Variants in HUWE1 observed in about 807,000 individuals in gnomAD.
The protein encoded by HUWE1 is HECT, UBA and WWE domain containing E3 ubiquitin protein ligase 1, also known as E3 ubiquitin-protein ligase HUWE1.
Under a neutral mutation model 299.4 loss-of-function variants are expected in HUWE1, and 18 were observed. The observed-to-expected ratio is 0.06, with a 90% CI of 0.04 to 0.09. The LOEUF (loss-of-function observed/expected upper bound fraction) is 0.09, where lower values mean the gene tolerates loss of function less well. Among genes scored for constraint, HUWE1 ranks in the 10% least tolerant of loss-of-function variants. The pLI is 1.00. For missense variants in HUWE1, 1,832 were observed against 3,462.3 expected (o/e 0.53, Z 11.82); for synonymous variants, 1,317 against 1,286.1 (o/e 1.02, Z -0.51).
chrX:53,575,243 G>A (rs1556957393), intron 45 of HUWE1, 22 bp from the exon 46 acceptor site: 1 of 1,142,483 alleles, frequency 8.8e-7, no homozygotes, highest in South Asian at 1.9e-5. Context: ...GAAAACTCCT[G>A]AGCTATTATG....
At chrX:53,628,193 A>G (rs1441374633) in intron 15 of HUWE1, among the ~76,000 whole-genome samples, 3 of 111,086 alleles carry the variant, frequency 2.7e-5, no homozygotes, top group African/African-American at 6.6e-5. Flanking sequence ...ACCCTGACAT[A>G]TATTTTCCCT....
chrX:53,597,185 A>G (rs998083365), intron 29 of HUWE1, among the ~76,000 whole-genome samples: 1 of 111,492 alleles, frequency 9.0e-6, no homozygotes, highest in Non-Finnish European at 1.9e-5. Flanking sequence ...GATTTGGCTT[A>G]AAGAATGTCA....
chrX:53,667,359 T>C (rs2069298022), intron 3 of HUWE1, among the ~76,000 whole-genome samples: 1 of 112,184 alleles, frequency 8.9e-6, no homozygotes, highest in Non-Finnish European at 1.9e-5. Context: ...GTAAACCCAT[T>C]GTAAACTGGA....
chrX:53,554,500 G>C, intron 61 of HUWE1, 133 bp downstream of exon 61: 1 of 637,630 alleles, frequency 1.6e-6, no homozygotes, highest in Non-Finnish European at 2.5e-6. Context: ...AAGTGAATGC[G>C]CAAGACGAGA....
Position 53,559,053 on chromosome X carries a change from C to G in HUWE1, c.7923G>C (p.Leu2641=). The change falls in exon 58 of 84, where the codon CTG becomes CTC. Residue 2641 remains leucine (L), a synonymous_variant. Transcript: ENST00000262854. ...QSTATSQAGT[L]SSIPTALTRW... ...GGGTCAGGGCTGTGGGGATGCTGGACAGGGTTCCTGTAGGGACAGCAAAGG... is the reference window on the plus strand; with the variant it reads ...GGGTCAGGGCTGTGGGGATGCTGGAGAGGGTTCCTGTAGGGACAGCAAAGG... 8.6e-7 allele frequency: 1 copy of G among 1,164,234 alleles called. No individual in the cohort carries two copies. The highest frequency in any genetic ancestry group is 1.2e-6 in the Non-Finnish European group (1 of 868,943).
intron 29 of HUWE1, among the ~76,000 whole-genome samples, chrX:53,596,226 T>C (rs2064458394): frequency 8.9e-6 from 1 of 111,996 alleles, no homozygotes; most frequent in Non-Finnish European, 1.9e-5. Flanking sequence ...GGTTTTCAAC[T>C]ATAGATGCCT....
chrX:53,555,755 C>T lies in HUWE1; in HGVS notation c.8207-835G>A, dbSNP rs897939684. Reference sequence around the variant, plus strand: ...TTCCTGGGTTCAAGCAATTCTCCTGCCTCAGCCTCCTGAGTAGCTGGGACC... The same window carrying T: ...TTCCTGGGTTCAAGCAATTCTCCTGTCTCAGCCTCCTGAGTAGCTGGGACC... On this transcript the variant is annotated intron_variant, in intron 60 of 83. Transcript: ENST00000262854. Among the ~76,000 whole-genome samples the T allele has an allele frequency of 1.5e-4, 16 of 108,644 alleles. No individual in the cohort carries two copies. In the East Asian group the frequency reaches 4.6e-3, roughly 31 times the overall value. 94.3% of individuals were successfully genotyped at this position (108,644 alleles called of 115,157 possible).
intron 15 of HUWE1, 108 bp from the exon 16 acceptor site, chrX:53,627,987 G>T (rs887224291): frequency 3.0e-6 from 2 of 673,027 alleles, no homozygotes; most frequent in East Asian, 3.5e-5. Context: ...AGGCAGCACA[G>T]TATGGGGGAA....
chrX:53,645,590 A>G (rs1168209862), intron 6 of HUWE1, 127 bp from the exon 7 acceptor site: 12 of 688,286 alleles, frequency 1.7e-5, no homozygotes, highest in Admixed American at 1.1e-4. Flanking sequence ...CAAAAAATAT[A>G]TAAGTATTTG....
intron 39 of HUWE1, among the ~76,000 whole-genome samples, chrX:53,585,444 G>A (rs2063810563): frequency 8.9e-6 from 1 of 112,084 alleles, no homozygotes; most frequent in Non-Finnish European, 1.9e-5. Context: ...GTGCTGGGAG[G>A]TGGGGCCTAA....
intron 7 of HUWE1, among the ~76,000 whole-genome samples, chrX:53,635,031 C>T (rs1338886098): frequency 9.0e-6 from 1 of 110,818 alleles, no homozygotes; most frequent in Non-Finnish European, 1.9e-5. Flanking sequence ...ACATATATTA[C>T]ATAAAATATG....
intron 49 of HUWE1, among the ~76,000 whole-genome samples, chrX:53,567,286 G>A (rs1178735007): frequency 9.0e-6 from 1 of 111,619 alleles, no homozygotes; most frequent in African/African-American, 3.3e-5. Context: ...AGTACTGTGA[G>A]TTTGACATTT....
intron 30 of HUWE1, 35 bp from the exon 31 acceptor site, chrX:53,594,656 C>T: frequency 2.5e-6 from 3 of 1,198,255 alleles, no homozygotes; most frequent in Admixed American, 2.2e-5. Context: ...CTTTAACCTT[C>T]TGTAAAGCAG....
intron 3 of HUWE1, among the ~76,000 whole-genome samples, chrX:53,679,714 G>C (rs1557052443): frequency 8.9e-6 from 1 of 112,543 alleles, no homozygotes; most frequent in Non-Finnish European, 1.9e-5. Flanking sequence ...TGATGGGTAA[G>C]TGGGGGGATT....
chrX:53,536,337 C>T (rs782806655), intron 79 of HUWE1, 43 bp downstream of exon 79: 30 of 1,190,402 alleles, frequency 2.5e-5, no homozygotes, highest in Non-Finnish European at 3.2e-5. Flanking sequence ...AAGACCAGAC[C>T]CCCAGGACTG....
chrX:53,602,512 G>T, intron 28 of HUWE1, 52 bp downstream of exon 28: 1 of 724,203 alleles, frequency 1.4e-6, no homozygotes, highest in Non-Finnish European at 2.2e-6. Flanking sequence ...CTATAAAGAC[G>T]TAGGAACAAA....
At chrX:53,558,864 C>T (rs2062152804) in intron 58 of HUWE1, 55 bp from the exon 59 acceptor site, 2 of 1,190,555 alleles carry the variant, frequency 1.7e-6, no homozygotes, top group Non-Finnish European at 2.3e-6. Context: ...GGGAGGAAGC[C>T]AAGAGGCAGA....
At chrX:53,579,453 G>A (rs1030246094) in intron 43 of HUWE1, among the ~76,000 whole-genome samples, 2 of 112,532 alleles carry the variant, frequency 1.8e-5, no homozygotes, top group African/African-American at 6.4e-5. Context: ...GGTGTGCCCA[G>A]TGGCTCATTG....
chrX:53,610,899 T>C (rs183522627), intron 23 of HUWE1, among the ~76,000 whole-genome samples: 66 of 111,559 alleles, frequency 5.9e-4, no homozygotes, highest in Non-Finnish European at 7.5e-5. Context: ...AACCACAAAG[T>C]GAACCGTGAT....
Sources: gnomAD v4.1 joint callset for allele counts (sites outside exome capture counted in the v4.1 genomes callset) on GRCh38, gnomAD v4.1.1 for gene constraint, MANE v1.5 for transcripts, NCBI Gene and HGNC (gene_info 2026-07-23, HGNC 2026-07-21) for gene names.